The following SDR16C5 variants were observed in gnomAD, a reference collection of about 807,000 sequenced individuals.
SDR16C5 encodes the protein epidermal retinol dehydrogenase 2.
SDR16C5 carries 20 observed loss-of-function variants against 27.7 expected under a neutral mutation model. The ratio of observed to expected loss-of-function variants is 0.72; its 90% CI spans 0.51 to 1.05. The LOEUF is 1.05. SDR16C5 is among the 50% of genes least tolerant of loss of function. SDR16C5 has a pLI of 0.00. For synonymous variants in SDR16C5, 139 were observed against 132.3 expected (o/e 1.05, Z -0.35); for missense variants, 374 against 366.3 (o/e 1.02, Z -0.17).
chr8:56,317,693 G>A (rs1815236250), intron 1 of SDR16C5, among the ~76,000 whole-genome samples: 1 of 152,214 alleles, frequency 6.6e-6, no homozygotes, highest in Admixed American at 6.5e-5. Context: ...ACACCCTTAG[G>A]AAATGTCGAG....
At chr8:56,308,837 G>T in intron 4 of SDR16C5, 91 bp downstream of exon 4, 1 of 836,190 alleles carries the variant, frequency 1.2e-6, no homozygotes, top group Non-Finnish European at 1.9e-6. Flanking sequence ...CTTTATCTTA[G>T]GGCATCAAGT....
chr8:56,305,578 T>C lies in SDR16C5; in HGVS notation c.836+19A>G, dbSNP rs60947092. ...GTAGACTGGCATGTTAGGGAAGTAA[T>C]AGAAGCTGATGTAATTACCTTTTAA... On this transcript the variant is annotated intron_variant, in intron 6 of 6. Coordinates refer to ENST00000303749, the MANE Select transcript of SDR16C5 (RefSeq NM_138969.4). 3.9e-3 allele frequency: 6,149 copies of C among 1,563,386 alleles called. 256 individuals are homozygous for C. In the African/African-American group the frequency reaches 0.077, roughly 20 times the overall value.
chr8:56,301,614 A>G, intron 6 of SDR16C5, 41 bp from the exon 7 acceptor site: 3 of 1,449,218 alleles, frequency 2.1e-6, no homozygotes, highest in Admixed American at 1.7e-5. Context: ...ATTATCATTC[A>G]TGAAAGCCTC....
In SDR16C5 at chr8:56,306,704, T is replaced by A; in HGVS notation, c.682A>T (p.Thr228Ser). 1 of 1,613,360 alleles carries A rather than the reference T, an allele frequency of 6.2e-7. No homozygotes were observed. Among genetic ancestry groups the A allele is most frequent in the South Asian group, 1.1e-5 (1 of 90,870 alleles). The change falls in exon 5 of 7, where the codon ACT (threonine) becomes TCT (serine). Residue 228 changes from threonine to serine, a missense_variant. Transcript: ENST00000303749. ...TTIVCPFFIK[T>S]GMFEGCTTGC... ...GTAGTACAACCTTCAAACATTCCAG[T>A]TTTTATAAAAAAGGGGCACACAATC... is the stretch of plus-strand genomic sequence containing the variant.
chr8:56,305,755 C>T, intron 5 of SDR16C5, 33 bp from the exon 6 acceptor site: 8 of 1,557,642 alleles, frequency 5.1e-6, no homozygotes, highest in Non-Finnish European at 6.9e-6. Flanking sequence ...TTAAAAAAAA[C>T]CCTGAAGGCC....
chr8:56,304,938 T>G (rs1814845260), intron 6 of SDR16C5, among the ~76,000 whole-genome samples: 1 of 152,124 alleles, frequency 6.6e-6, no homozygotes, highest in Non-Finnish European at 1.5e-5. Flanking sequence ...CCTGGCTTAT[T>G]TATTCATTAT....
In SDR16C5 at chr8:56,300,128, G is replaced by C. The variant is rs1814713329; in HGVS notation, c.*1352C>G. Reference sequence around the variant, plus strand: ...TGTCAAATACTTAATTTGCTGCCGGGCACAGTAAATGTTAGTTATGATTGT... The same window carrying C: ...TGTCAAATACTTAATTTGCTGCCGGCCACAGTAAATGTTAGTTATGATTGT... On this transcript the variant is annotated 3_prime_UTR_variant, in exon 7 of 7. Transcript: ENST00000303749. The C allele has an allele frequency of 6.6e-6, 1 of 151,960 alleles. No individual in the cohort carries two copies. Among genetic ancestry groups the C allele is most frequent in the Admixed American group, 6.6e-5 (1 of 15,252 alleles). 9.4% of individuals were successfully genotyped at this position (151,960 alleles called of 1,614,324 possible). A position where few individuals can be genotyped will look rare whatever the true frequency, so the allele number is the denominator to read the frequency against.
chr8:56,301,748 G>A (rs964144048), intron 6 of SDR16C5, among the ~76,000 whole-genome samples, 175 bp from the exon 7 acceptor site: 2 of 152,110 alleles, frequency 1.3e-5, no homozygotes, highest in African/African-American at 4.8e-5. Context: ...CACTATATCC[G>A]GGGACACTCG....
Position 56,306,667 on chromosome 8 carries a change from C to A in SDR16C5, c.710+9G>T. On this transcript the variant is annotated intron_variant, in intron 5 of 6. Transcript: ENST00000303749. ...GTGTAGATTCTTTGAAATTAAAGGA[C>A]ATACTTACCCTGTAGTACAACCTTC... 6.3e-7 allele frequency: 1 copy of A among 1,576,340 alleles called. No homozygotes were observed. Among genetic ancestry groups the A allele is most frequent in the South Asian group, 1.2e-5 (1 of 84,190 alleles).
intron 6 of SDR16C5, among the ~76,000 whole-genome samples, chr8:56,303,718 T>C (rs940337967): frequency 9.2e-5 from 14 of 152,230 alleles, no homozygotes; most frequent in African/African-American, 3.4e-4. Context: ...CCATAACTAG[T>C]ATTGCATAAA....
chr8:56,312,901 C>G (rs981561644), intron 2 of SDR16C5, among the ~76,000 whole-genome samples: 7 of 151,664 alleles, frequency 4.6e-5, no homozygotes. Flanking sequence ...CTCAGCCTCC[C>G]AAGTAGCTAG....
intron 5 of SDR16C5, among the ~76,000 whole-genome samples, chr8:56,306,424 G>A (rs1369690230): frequency 1.3e-5 from 2 of 152,142 alleles, no homozygotes; most frequent in Non-Finnish European, 2.9e-5. Flanking sequence ...ATGTGGCCCT[G>A]AGAGTCTGGG....
chr8:56,310,888 A>G lies in SDR16C5; in HGVS notation c.465+1269T>C, dbSNP rs554902449. 2.0e-5 allele frequency among the ~76,000 whole-genome samples: 3 copies of G among 152,326 alleles called. No homozygotes were observed. In the South Asian group the frequency reaches 6.2e-4, roughly 32 times the overall value. ...TTCTTGTAGGAACATGGTAGCCACT[A>G]AATTCTGAATCTTTCCATTTTTCTC... On this transcript the variant is annotated intron_variant, in intron 3 of 6. Transcript: ENST00000303749.
At chr8:56,318,697 A>G (rs1815260435) in intron 1 of SDR16C5, among the ~76,000 whole-genome samples, 1 of 152,224 alleles carries the variant, frequency 6.6e-6, no homozygotes, top group Non-Finnish European at 1.5e-5. Flanking sequence ...TCTTAATGTC[A>G]GGACATTCTA....
chr8:56,310,491 G>T (rs913451924), intron 3 of SDR16C5, among the ~76,000 whole-genome samples: 3 of 151,704 alleles, frequency 2.0e-5, no homozygotes, highest in African/African-American at 7.3e-5. Flanking sequence ...AGGCTGAGGC[G>T]GGCGGATCAC....
Position 56,306,631 on chromosome 8 carries a change from C to T in SDR16C5, c.710+45G>A, listed in dbSNP as rs780160035. On this transcript the variant is annotated intron_variant, in intron 5 of 6. Transcript: ENST00000303749. ...AAAAGAACAAAATAAAATAGCAAAA[C>T]ATTTTTAAGAGTGTAGATTCTTTGA... is the stretch of plus-strand genomic sequence containing the variant. 5.4e-6 allele frequency: 8 copies of T among 1,484,122 alleles called. No individual in the cohort carries two copies. The East Asian group carries it at 1.9e-4, about 35-fold the overall frequency. 91.9% of individuals were successfully genotyped at this position (1,484,122 alleles called of 1,614,324 possible). A position where few individuals can be genotyped will look rare whatever the true frequency, so the allele number is the denominator to read the frequency against.
chr8:56,306,789 C>T lies in SDR16C5; in HGVS notation c.597G>A (p.Gly199=). The part of the protein sequence containing the change: ...DYCASKFAAF[G]FAESVFVETF... ...TTTCTACAAATACAGATTCAGCAAA[C>T]CCAAAGGCTGCAAATTTACTTGCAC... is the stretch of plus-strand genomic sequence containing the variant. The change falls in exon 5 of 7, where the codon GGG becomes GGA. Residue 199 remains glycine, a synonymous_variant. Coordinates refer to ENST00000303749, the MANE Select transcript of SDR16C5 (RefSeq NM_138969.4). 2 of 1,612,624 alleles carry T rather than the reference C, an allele frequency of 1.2e-6. No homozygotes were observed. The highest frequency in any genetic ancestry group is 1.3e-5 in the African/African-American group (1 of 74,978).
intron 4 of SDR16C5, among the ~76,000 whole-genome samples, chr8:56,307,370 G>A (rs1814913195): frequency 6.6e-6 from 1 of 152,146 alleles, no homozygotes; most frequent in Non-Finnish European, 1.5e-5. Flanking sequence ...TGGGGGCAGA[G>A]GAAGGAGTGG....
intron 6 of SDR16C5, among the ~76,000 whole-genome samples, chr8:56,303,239 G>T (rs949096701): frequency 6.6e-6 from 1 of 151,434 alleles, no homozygotes; most frequent in Non-Finnish European, 1.5e-5. Flanking sequence ...ACTTGAACCA[G>T]GGAAGGCGGG....
Sources: gnomAD v4.1 joint callset for allele counts (sites outside exome capture counted in the v4.1 genomes callset) on GRCh38, gnomAD v4.1.1 for gene constraint, MANE v1.5 for transcripts, NCBI Gene and HGNC (gene_info 2026-07-23, HGNC 2026-07-21) for gene names.